Variants in AKAP7 observed in about 807,000 individuals in gnomAD.
AKAP7 encodes A-kinase anchoring protein 7.
In AKAP7, 39 loss-of-function variants were observed where a neutral mutation model predicts 39.5. The observed-to-expected ratio is 0.99, with a 90% CI of 0.76 to 1.29. The LOEUF is 1.29. AKAP7 is among the 50% of genes most tolerant of loss of function. The pLI is 0.00. For missense variants in AKAP7, 414 were observed against 407.7 expected (o/e 1.02, Z -0.13); for synonymous variants, 140 against 139.1 (o/e 1.01, Z -0.05).
intron 7 of AKAP7, among the ~76,000 whole-genome samples, chr6:131,256,170 T>G (rs2128322771): frequency 6.6e-6 from 1 of 152,326 alleles, no homozygotes; most frequent in East Asian, 1.9e-4. Context: ...GTATTGTGTG[T>G]AACCTGAGAC....
At chr6:131,179,661 G>A (rs763534802) in intron 5 of AKAP7, among the ~76,000 whole-genome samples, 12 of 152,026 alleles carry the variant, frequency 7.9e-5, no homozygotes, top group African/African-American at 2.7e-4. Flanking sequence ...TGAGCTCAGC[G>A]GTTTAAGACC....
intron 7 of AKAP7, among the ~76,000 whole-genome samples, chr6:131,279,957 T>TG (rs1181944238): frequency 6.6e-6 from 1 of 152,194 alleles, no homozygotes; most frequent in East Asian, 1.9e-4. Flanking sequence ...AAACACCGTG[T>TG]TGTAAGGTTG....
At chr6:131,234,843 A>T (rs1387091087) in intron 7 of AKAP7, among the ~76,000 whole-genome samples, 1 of 150,970 alleles carries the variant, frequency 6.6e-6, no homozygotes, top group African/African-American at 2.4e-5. Context: ...GCTACTTGTC[A>T]TGTGGTTTTG....
intron 5 of AKAP7, 48 bp downstream of exon 5, chr6:131,169,321 A>G (rs762740255): frequency 3.8e-6 from 6 of 1,586,094 alleles, no homozygotes; most frequent in Non-Finnish European, 4.3e-6. Flanking sequence ...TGGAGAAGCA[A>G]TTTTTTTCAA....
At chr6:131,248,541 A>G (rs1812213321) in intron 7 of AKAP7, among the ~76,000 whole-genome samples, 1 of 152,214 alleles carries the variant, frequency 6.6e-6, no homozygotes, top group South Asian at 2.1e-4. Context: ...AAAATCATAT[A>G]ATGCTAGTAC....
intron 2 of AKAP7, among the ~76,000 whole-genome samples, chr6:131,152,944 C>T (rs1455772428): frequency 2.0e-5 from 3 of 150,868 alleles, no homozygotes; most frequent in East Asian, 3.9e-4. Flanking sequence ...CTGGCTAACA[C>T]GGTGAAACCC....
chr6:131,150,675 T>C (rs1349358302), intron 2 of AKAP7, among the ~76,000 whole-genome samples: 1 of 152,090 alleles, frequency 6.6e-6, no homozygotes, highest in Non-Finnish European at 1.5e-5. Context: ...ACAACACATA[T>C]TTATTGAGTG....
chr6:131,195,406 G>T (rs570777500), intron 5 of AKAP7, among the ~76,000 whole-genome samples: 1 of 152,104 alleles, frequency 6.6e-6, no homozygotes, highest in South Asian at 2.1e-4. Context: ...AAGAGTTGTG[G>T]TAGTTATTAT....
At chr6:131,250,524 C>A in intron 7 of AKAP7, 1 of 1,613,462 alleles carries the variant, frequency 6.2e-7, no homozygotes, top group South Asian at 1.1e-5. Flanking sequence ...TATTTGGGGT[C>A]CTCACGGAGA....
chr6:131,139,784 T>G (rs1800871247), intron 1 of AKAP7, among the ~76,000 whole-genome samples: 1 of 152,228 alleles, frequency 6.6e-6, no homozygotes. Context: ...TCGACTATGG[T>G]GACGACACAT....
At chr6:131,204,223 T>G (rs546364743) in intron 6 of AKAP7, among the ~76,000 whole-genome samples, 19 of 152,280 alleles carry the variant, frequency 1.2e-4, no homozygotes, top group African/African-American at 4.3e-4. Context: ...TCTTTATGCA[T>G]AAAGATGTTT....
At chr6:131,278,880 G>A (rs1000147843) in intron 7 of AKAP7, among the ~76,000 whole-genome samples, 23 of 152,060 alleles carry the variant, frequency 1.5e-4, no homozygotes, top group African/African-American at 5.6e-4. Context: ...TGGAGTAGAT[G>A]GTATTCTAAT....
At chr6:131,270,938 G>C (rs566078437) in intron 7 of AKAP7, among the ~76,000 whole-genome samples, 3 of 152,264 alleles carry the variant, frequency 2.0e-5, no homozygotes, top group East Asian at 1.9e-4. Flanking sequence ...TTACTGTTAA[G>C]TAGTAAGAGT....
At chr6:131,217,343 C>A (rs1809279958) in intron 6 of AKAP7, among the ~76,000 whole-genome samples, 1 of 152,058 alleles carries the variant, frequency 6.6e-6, no homozygotes. Context: ...CCACCTGCTG[C>A]AGCTGGATGG....
rs548284500 is a variant in AKAP7, at chr6:131,272,839, CT to C, written c.851-8690del. 2.1e-3 allele frequency among the ~76,000 whole-genome samples: 314 copies of C among 152,174 alleles called. 1 individual carries two copies. Among genetic ancestry groups the C allele is most frequent in the African/African-American group, 7.3e-3 (301 of 41,510 alleles). On this transcript the variant is annotated intron_variant, in intron 7 of 7. Transcript: ENST00000431975. ...GTATTCTGTTGTTGGCTGGAGGGTT[CT>C]GTAATTTTCAGTTAGGTGGATTTGG...
At position 131,259,818 on chromosome 6, in the gene AKAP7, T is replaced by C. The variant is rs142810713; in HGVS notation, c.851-21712T>C. 1.7e-3 allele frequency among the ~76,000 whole-genome samples: 252 copies of C among 152,274 alleles called. 1 individual carries two copies. Among genetic ancestry groups the C allele is most frequent in the Admixed American group, 4.4e-3 (67 of 15,292 alleles). On this transcript the variant is annotated intron_variant, in intron 7 of 7. Transcript: ENST00000431975. ...AAATTTTTTTAAATTTTATTTTAAG[T>C]TCTGGGATACCTGTGCAGAGTGTGC...
upstream of AKAP7, among the ~76,000 whole-genome samples, chr6:131,135,131 A>G (rs1177244366): frequency 6.6e-6 from 1 of 152,184 alleles, no homozygotes. Flanking sequence ...GCTCTTCCCA[A>G]ATATTCTGCA....
At chr6:131,278,163 T>C (rs1485087808) in intron 7 of AKAP7, among the ~76,000 whole-genome samples, 3 of 152,202 alleles carry the variant, frequency 2.0e-5, no homozygotes, top group Non-Finnish European at 2.9e-5. Context: ...GAATAATTGG[T>C]GTCCTATGTT....
upstream of AKAP7, among the ~76,000 whole-genome samples, chr6:131,132,940 G>T (rs938849548): frequency 2.6e-5 from 4 of 152,032 alleles, no homozygotes; most frequent in African/African-American, 9.7e-5. Context: ...TTTTGTGGGG[G>T]GTAGTATTTT....
Sources: allele counts gnomAD v4.1 joint callset (sites outside exome capture counted in the v4.1 genomes callset), GRCh38; gene constraint gnomAD v4.1.1; transcripts MANE v1.5; gene names NCBI Gene and HGNC (gene_info 2026-07-23, HGNC 2026-07-21).